Variants in CRACD observed in about 807,000 individuals in gnomAD.
CRACD encodes capping protein-inhibiting regulator of actin dynamics.
CRACD carries 56 observed loss-of-function variants against 106.8 expected under a neutral mutation model. The observed-to-expected ratio is 0.52, with a 90% confidence interval of 0.42 to 0.66. The LOEUF (loss-of-function observed/expected upper bound fraction) is 0.66. Among genes scored for constraint, CRACD ranks in the 30% least tolerant of loss-of-function variants. The probability of loss-of-function intolerance (pLI) is 0.00; values close to 1 mark genes in which losing one functional copy is unlikely to be tolerated. For missense variants in CRACD, 1,730 were observed against 1,623.2 expected (o/e 1.07, Z -1.13); for synonymous variants, 754 against 670.8 (o/e 1.12, Z -1.92).
At chr4:56,161,311 G>A (rs1339520406) in intron 1 of CRACD, among the ~76,000 whole-genome samples, 2 of 151,854 alleles carry the variant, frequency 1.3e-5, no homozygotes, top group African/African-American at 4.8e-5. Flanking sequence ...AGAAAGAACT[G>A]TTTCATTCTG....
chr4:56,200,252 C>T (rs1428189816), intron 2 of CRACD, among the ~76,000 whole-genome samples: 1 of 152,022 alleles, frequency 6.6e-6, no homozygotes, highest in Non-Finnish European at 1.5e-5. Flanking sequence ...TCCTCTGTGG[C>T]TTTTTAATTA....
At chr4:56,311,794 C>T (rs549472762) in intron 6 of CRACD, among the ~76,000 whole-genome samples, 10 of 152,312 alleles carry the variant, frequency 6.6e-5, no homozygotes, top group African/African-American at 2.2e-4. Flanking sequence ...CTGGCCACAT[C>T]GGAGCTGCTG....
At chr4:56,260,128 T>G (rs1741606092) in intron 2 of CRACD, among the ~76,000 whole-genome samples, 1 of 152,260 alleles carries the variant, frequency 6.6e-6, no homozygotes, top group Non-Finnish European at 1.5e-5. Context: ...AAGCAAGGAC[T>G]CTGATAGTTA....
intron 2 of CRACD, among the ~76,000 whole-genome samples, chr4:56,260,719 G>A (rs1317867817): frequency 2.6e-5 from 4 of 152,218 alleles, no homozygotes; most frequent in African/African-American, 7.2e-5. Flanking sequence ...AATACATTCC[G>A]CCTTTGGACA....
chr4:56,298,408 G>A (rs1387355929), intron 4 of CRACD, 59 bp downstream of exon 4: 2 of 1,596,780 alleles, frequency 1.3e-6, no homozygotes, highest in Non-Finnish European at 1.7e-6. Context: ...ATGAAGGGAA[G>A]TGGGAAAAGT....
chr4:56,232,918 G>A (rs1182032791), intron 2 of CRACD, among the ~76,000 whole-genome samples: 1 of 151,470 alleles, frequency 6.6e-6, no homozygotes, highest in Non-Finnish European at 1.5e-5. Flanking sequence ...TAGTACAGAC[G>A]GGGTTTCACC....
intron 7 of CRACD, 104 bp from the exon 8 acceptor site, chr4:56,313,936 T>C (rs1331200802): frequency 1.8e-5 from 26 of 1,432,176 alleles, no homozygotes; most frequent in East Asian, 2.3e-5. Context: ...TGCTTCCAGG[T>C]GTTCTTGAGA....
At chr4:56,240,545 C>T (rs530981686) in intron 2 of CRACD, among the ~76,000 whole-genome samples, 6 of 152,172 alleles carry the variant, frequency 3.9e-5, no homozygotes, top group Non-Finnish European at 4.4e-5. Context: ...CACTTTGTCA[C>T]GCAGGCAACA....
intron 1 of CRACD, among the ~76,000 whole-genome samples, chr4:56,096,777 G>A (rs1733614163): frequency 6.6e-6 from 1 of 152,216 alleles, no homozygotes; most frequent in African/African-American, 2.4e-5. Context: ...TGGAACAGTG[G>A]TGGTGACAGA....
At chr4:56,214,984 T>C (rs1049053195) in intron 2 of CRACD, among the ~76,000 whole-genome samples, 4 of 151,964 alleles carry the variant, frequency 2.6e-5, no homozygotes, top group African/African-American at 9.7e-5. Context: ...TGGGCAACAG[T>C]GCAAGACTCC....
intron 1 of CRACD, among the ~76,000 whole-genome samples, chr4:56,057,812 T>A (rs1732133990): frequency 4.7e-4 from 28 of 59,990 alleles, no homozygotes; most frequent in African/African-American, 9.5e-4. Flanking sequence ...TTTTTTTTTT[T>A]TGTTTTTTTT....
At chr4:56,222,392 G>A (rs528534831) in intron 2 of CRACD, among the ~76,000 whole-genome samples, 1 of 152,112 alleles carries the variant, frequency 6.6e-6, no homozygotes, top group Non-Finnish European at 1.5e-5. Context: ...TCTGAAGTGG[G>A]GAGAGTGGGA....
At chr4:56,081,172 A>G (rs1265052523) in intron 1 of CRACD, among the ~76,000 whole-genome samples, 2 of 152,122 alleles carry the variant, frequency 1.3e-5, no homozygotes, top group Non-Finnish European at 2.9e-5. Flanking sequence ...CTTTTGTTCA[A>G]ATTATCTCAT....
At chr4:56,223,233 T>G (rs1739141380) in intron 2 of CRACD, among the ~76,000 whole-genome samples, 1 of 151,800 alleles carries the variant, frequency 6.6e-6, no homozygotes, top group Non-Finnish European at 1.5e-5. Flanking sequence ...TCTTTTTTTT[T>G]TTTCCTAATA....
chr4:56,097,557 G>C (rs1304803476), intron 1 of CRACD: 5 of 152,670 alleles, frequency 3.3e-5, no homozygotes, highest in African/African-American at 1.2e-4. Flanking sequence ...AAGAGGTAGG[G>C]ATTGGGTTTG....
At chr4:56,069,248 C>A (rs925734666) in intron 1 of CRACD, among the ~76,000 whole-genome samples, 2 of 152,182 alleles carry the variant, frequency 1.3e-5, no homozygotes, top group South Asian at 4.1e-4. Flanking sequence ...GGCATTGCAG[C>A]CCTAGGACAC....
chr4:56,264,090 G>A (rs895894468), intron 2 of CRACD, among the ~76,000 whole-genome samples: 6 of 152,096 alleles, frequency 3.9e-5, no homozygotes, highest in Non-Finnish European at 7.3e-5. Flanking sequence ...TTCACATGGC[G>A]GCAGGAGAGA....
chr4:56,227,910 T>G lies in CRACD; in HGVS notation c.-188-44411T>G, dbSNP rs1245694206. ...CTTTCTTTTTTTCTTTCCCTCTCCC[T>G]GCCTCTTAGGAAGCGCTTAACCTCT... On this transcript the variant is annotated intron_variant, in intron 2 of 10. Transcript: ENST00000682029. Among the ~76,000 whole-genome samples, 3 of 152,204 alleles carry G rather than the reference T, an allele frequency of 2.0e-5. No individual in the cohort carries two copies. In the East Asian group the frequency reaches 5.8e-4, roughly 29 times the overall value.
At chr4:56,125,415 A>G (rs1328090474) in intron 1 of CRACD, among the ~76,000 whole-genome samples, 1 of 151,942 alleles carries the variant, frequency 6.6e-6, no homozygotes, top group Admixed American at 6.6e-5. Context: ...TATTAAAAAC[A>G]ATTTTTTTTT....
Sources: allele counts gnomAD v4.1 joint callset (sites outside exome capture counted in the v4.1 genomes callset), GRCh38; gene constraint gnomAD v4.1.1; transcripts MANE v1.5; gene names NCBI Gene and HGNC (gene_info 2026-07-23, HGNC 2026-07-21).